FAM228B: variants seen among roughly 807,000 people sequenced by gnomAD.
FAM228B encodes protein FAM228B.
A neutral mutation model predicts 42.6 loss-of-function variants in FAM228B; 38 were observed. That is an observed-to-expected ratio of 0.89 (90% CI 0.69 to 1.17). The LOEUF is 1.17. Ranked by LOEUF, FAM228B falls within the 50% of genes most tolerant of loss-of-function variation. FAM228B has a pLI of 0.00. For synonymous variants in FAM228B, 109 were observed against 122.3 expected, an observed-to-expected ratio of 0.89 and a Z score of 0.72; for missense variants, 344 against 367.3, an observed-to-expected ratio of 0.94 and a Z score of 0.52.
At chr2:24,146,620 A>G (rs1666900416) in intron 5 of FAM228B, 128 bp from the exon 6 acceptor site, 2 of 578,290 alleles carry the variant, frequency 3.5e-6, no homozygotes, top group Non-Finnish European at 6.0e-6. Context: ...TAAGCCTGCT[A>G]TTTGTAAATA....
At chr2:24,167,155 G>A (rs1425428295) in intron 9 of FAM228B, among the ~76,000 whole-genome samples, 1 of 152,180 alleles carries the variant, frequency 6.6e-6, no homozygotes, top group Non-Finnish European at 1.5e-5. Flanking sequence ...AGCCGAGGCA[G>A]GGCCGTCAAG....
intron 2 of FAM228B, chr2:24,083,050 T>A: frequency 1.2e-6 from 2 of 1,614,110 alleles, no homozygotes; most frequent in Non-Finnish European, 1.7e-6. Context: ...TCCCCGATCT[T>A]CCAGTGTCCC....
At chr2:24,102,750 A>T (rs1267106808) in intron 3 of FAM228B, among the ~76,000 whole-genome samples, 1 of 152,182 alleles carries the variant, frequency 6.6e-6, no homozygotes, top group African/African-American at 2.4e-5. Flanking sequence ...AAAAGAAACC[A>T]AAAAACAAAA....
In FAM228B at chr2:24,109,773, T is replaced by G. The variant is rs1361350658; in HGVS notation, c.-121+14544T>G. Among the ~76,000 whole-genome samples, 10 of 152,140 alleles carry G rather than the reference T, an allele frequency of 6.6e-5. No homozygotes were observed. The East Asian group carries it at 1.9e-3, about 29-fold the overall frequency. On this transcript the variant is annotated intron_variant, in intron 3 of 10. Coordinates refer to the FAM228B transcript ENST00000613899. ...ATTCAGAATGGCTATTATTAAAAAG[T>G]CAAAAAATAATAGATGTTGGCGAGG...
At chr2:24,124,238 T>A in intron 1 of FAM228B, 92 bp from the exon 2 acceptor site, 1 of 628,000 alleles carries the variant, frequency 1.6e-6, no homozygotes, top group Non-Finnish European at 2.7e-6. Flanking sequence ...TCAAAATCCA[T>A]TTTGCGTGTG....
chr2:24,134,822 C>T (rs985558832), intron 2 of FAM228B, among the ~76,000 whole-genome samples: 1 of 152,126 alleles, frequency 6.6e-6, no homozygotes, highest in Admixed American at 6.5e-5. Context: ...ATGTGTTGCA[C>T]ACCTGTAATC....
intron 2 of FAM228B, among the ~76,000 whole-genome samples, chr2:24,129,053 C>T (rs1322285577): frequency 3.3e-5 from 5 of 152,138 alleles, no homozygotes; most frequent in East Asian, 1.9e-4. Context: ...GTAGTGTTTA[C>T]GATCAGCTGA....
intron 3 of FAM228B, among the ~76,000 whole-genome samples, chr2:24,108,315 A>AAACG (rs1483930802): frequency 6.6e-6 from 1 of 152,120 alleles, no homozygotes; most frequent in African/African-American, 2.4e-5. Flanking sequence ...ACAAACAAAC[A>AAACG]AAAAAGGTCC....
At chr2:24,135,308 C>T (rs983646993) in intron 3 of FAM228B, 121 bp downstream of exon 3, 1 of 595,308 alleles carries the variant, frequency 1.7e-6, no homozygotes, top group Non-Finnish European at 2.8e-6. Context: ...AAAGAACACT[C>T]CCTTGCACCT....
intron 2 of FAM228B, among the ~76,000 whole-genome samples, chr2:24,129,941 T>G (rs1666414247): frequency 6.9e-6 from 1 of 145,142 alleles, no homozygotes; most frequent in Admixed American, 6.8e-5. Context: ...ATTAGCTGTT[T>G]GTCCTAATGC....
chr2:24,085,473 T>G (rs1665214413), intron 2 of FAM228B, among the ~76,000 whole-genome samples: 1 of 152,090 alleles, frequency 6.6e-6, no homozygotes, highest in South Asian at 2.1e-4. Flanking sequence ...CCCCACTACA[T>G]ATCCGTAGCA....
At chr2:24,133,828 C>A (rs891042212) in intron 2 of FAM228B, among the ~76,000 whole-genome samples, 20 of 152,156 alleles carry the variant, frequency 1.3e-4, no homozygotes, top group African/African-American at 3.9e-4. Context: ...AGAAGCATTG[C>A]TTGAGCTCAG....
chr2:24,118,125 G>C (rs1665982227), intron 3 of FAM228B, among the ~76,000 whole-genome samples: 1 of 152,136 alleles, frequency 6.6e-6, no homozygotes, highest in Non-Finnish European at 1.5e-5. Context: ...TAGCTGACAG[G>C]GTAAGAGCCT....
In FAM228B at chr2:24,124,331, T is replaced by A. The variant is rs1666244285; in HGVS notation, c.-31T>A. On this transcript the variant is annotated splice_region_variant and 5_prime_UTR_variant, in exon 2 of 11. Coordinates refer to ENST00000615575, the MANE Select transcript of FAM228B (RefSeq NM_001145710.2). ...AATACTAAATAAGATGATTTTTAGT[T>A]TTTCCAGGGGCATTGTTATTTGTGA... 7.0e-7 allele frequency: 1 copy of A among 1,434,112 alleles called. No homozygotes were observed. Among genetic ancestry groups the A allele is most frequent in the African/African-American group, 1.4e-5 (1 of 69,512 alleles). 88.8% of individuals were successfully genotyped at this position (1,434,112 alleles called of 1,614,324 possible).
chr2:24,097,326 C>G (rs1022396778), intron 3 of FAM228B: 1 of 151,978 alleles, frequency 6.6e-6, no homozygotes, highest in Non-Finnish European at 1.5e-5. Context: ...AAGACACAGA[C>G]TGGCAAATTG....
intron 2 of FAM228B, among the ~76,000 whole-genome samples, chr2:24,130,190 T>C (rs1026205285): frequency 3.3e-5 from 5 of 152,188 alleles, no homozygotes; most frequent in African/African-American, 1.2e-4. Flanking sequence ...ATATGTACAT[T>C]TTCTTTATCC....
At chr2:24,088,379 C>T (rs146752043) in intron 2 of FAM228B, among the ~76,000 whole-genome samples, 29 of 152,282 alleles carry the variant, frequency 1.9e-4, no homozygotes, top group African/African-American at 6.7e-4. Context: ...GAGGCAGAGT[C>T]TGGCTCTGTC....
chr2:24,164,476 G>T, intron 9 of FAM228B, 141 bp downstream of exon 9: 1 of 915,050 alleles, frequency 1.1e-6, no homozygotes, highest in Non-Finnish European at 1.5e-6. Context: ...AAGCAGCTGA[G>T]GGGCAGGTGC....
chr2:24,084,402 A>AGGGCG lies in FAM228B; in HGVS notation c.-210+3449_-210+3450insGCGGG. ...AGGGCAGGACAGGACAGGGCAGGGC[A>AGGGCG]GGACAGGACAGGGCAGGGGCCGCTG... is the stretch of plus-strand genomic sequence containing the variant. On this transcript the variant is annotated intron_variant, in intron 2 of 10. Transcript: ENST00000613899. The surrounding 1 kb of genome is among the most constrained non-coding windows in gnomAD (Gnocchi z 8.4). 1.4e-6 allele frequency: 2 copies of AGGGCG among 1,452,574 alleles called. No individual in the cohort carries two copies. Among genetic ancestry groups the AGGGCG allele is most frequent in the Admixed American group, 4.0e-5 (2 of 49,726 alleles). 90.0% of individuals were successfully genotyped at this position (1,452,574 alleles called of 1,614,324 possible).
Sources: gnomAD v4.1 joint callset for allele counts (sites outside exome capture counted in the v4.1 genomes callset) on GRCh38, gnomAD v4.1.1 for gene constraint, Gnocchi (gnomAD v3.1) non-coding constraint, MANE v1.5 for transcripts, NCBI Gene and HGNC (gene_info 2026-07-23, HGNC 2026-07-21) for gene names.